SCNN1D: variants seen among roughly 807,000 people sequenced by gnomAD.
The protein encoded by SCNN1D is epithelial sodium channel subunit delta.
A neutral mutation model predicts 87.8 loss-of-function variants in SCNN1D; 104 were observed. The ratio of observed to expected loss-of-function variants is 1.18; its 90% confidence interval spans 1.01 to 1.39. SCNN1D has a LOEUF of 1.39. Ranked by LOEUF, SCNN1D falls within the 40% of genes most tolerant of loss-of-function variation. The pLI is 0.00. For missense variants in SCNN1D, 1,324 were observed against 1,093.9 expected (o/e 1.21, Z -2.97); for synonymous variants, 628 against 481.2 (o/e 1.31, Z -3.99).
chr1:1,288,365 T>TCC (rs773631150), intron 12 of SCNN1D, among the ~76,000 whole-genome samples: 10 of 39,364 alleles, frequency 2.5e-4, no homozygotes, highest in South Asian at 5.1e-3. Context: ...CTCTGCTCCG[T>TCC]CCCGTGTCCC....
chr1:1,291,250 G>A lies in SCNN1D; in HGVS notation c.2053-4G>A, dbSNP rs148696342. 729 of 1,556,350 alleles carry A rather than the reference G, an allele frequency of 4.7e-4. No individual in the cohort carries two copies. The highest frequency in any genetic ancestry group is 5.8e-4 in the Non-Finnish European group (667 of 1,151,774). ...CGCCCCTCACACCCGCACCCCACCC[G>A]CAGGTGCCGCAGCTGCTCTCGGCCA... On this transcript the variant is annotated splice_polypyrimidine_tract_variant and splice_region_variant and intron_variant, in intron 17 of 17. Transcript: ENST00000379116.
rs1350518583 is a variant in SCNN1D at position 1,291,049 on chromosome 1, C to G, written c.1977-16C>G. The G allele has an allele frequency of 1.9e-5, 30 of 1,610,682 alleles. No individual in the cohort carries two copies. The highest frequency in any genetic ancestry group is 2.7e-5 in the African/African-American group (2 of 74,900). On this transcript the variant is annotated splice_polypyrimidine_tract_variant and intron_variant, in intron 16 of 17. Transcript: ENST00000379116. ...AAGGTCTGGGCCAGCGCCCTCATGC[C>G]TCTATCCTGCCCCAGGAGCAGCCTG... is the stretch of plus-strand genomic sequence containing the variant.
chr1:1,284,338 C>T (rs1459279010), intron 5 of SCNN1D, among the ~76,000 whole-genome samples: 2 of 79,712 alleles, frequency 2.5e-5, no homozygotes, highest in South Asian at 3.8e-4. Context: ...GTGGGGCTGG[C>T]GGGGGGGCTC....
chr1:1,290,823 CA>C, intron 15 of SCNN1D, 71 bp from the exon 16 acceptor site: 1 of 1,586,000 alleles, frequency 6.3e-7, no homozygotes, highest in Non-Finnish European at 8.6e-7. Context: ...TCTGCCCCCA[CA>C]TCCGCCCGTG....
rs762383126 is a variant in SCNN1D, at chr1:1,287,768, A to G, written c.1495A>G (p.Thr499Ala). ...IRVMVHGRNHTPFLGHHSFSV... is the reference protein window; with the variant it reads ...IRVMVHGRNHAPFLGHHSFSV... The stretch of plus-strand genomic sequence containing the variant: ...GGTCATGGTTCACGGCCGTAACCAC[A>G]CGCCCTTCCTGGGGCACCACAGCTT... The change falls in exon 11 of 18, where the codon ACG (threonine) becomes GCG (alanine). Residue 499 changes from threonine to alanine, a missense_variant. Transcript: ENST00000379116. The G allele has an allele frequency of 3.8e-6, 6 of 1,599,526 alleles. No homozygotes were observed. Among genetic ancestry groups the G allele is most frequent in the Non-Finnish European group, 5.1e-6 (6 of 1,173,642 alleles).
At chr1:1,282,407 C>G (rs997147843) in intron 4 of SCNN1D, 92 bp downstream of exon 4, 2 of 1,403,098 alleles carry the variant, frequency 1.4e-6, no homozygotes, top group African/African-American at 2.9e-5. Context: ...CCCAGCACCA[C>G]TTGGGGCAGG....
chr1:1,291,125 G>A lies in SCNN1D; in HGVS notation c.2037G>A (p.Glu679=). The change falls in exon 17 of 18, where the codon GAG becomes GAA. Residue 679 remains glutamate, a synonymous_variant. Coordinates refer to ENST00000379116, the MANE Select transcript of SCNN1D (RefSeq NM_001130413.4). ...YQELNYRSVE[E]APVYSVPQLL... is the part of the protein sequence containing the mutation. ...AGCTCAACTACCGCTCAGTGGAGGA[G>A]GCGCCCGTGTACTCGGTGAGCCTTG... 6.2e-7 allele frequency: 1 copy of A among 1,612,148 alleles called. No homozygotes were observed. Among genetic ancestry groups the A allele is most frequent in the Non-Finnish European group, 8.5e-7 (1 of 1,179,724 alleles).
At chr1:1,282,154 C>A (rs1640482848) in intron 3 of SCNN1D, 88 bp from the exon 4 acceptor site, 1 of 795,978 alleles carries the variant, frequency 1.3e-6, no homozygotes, top group South Asian at 1.6e-5. Context: ...GCACCCCAGC[C>A]CCATCTGGCA....
At position 1,285,983 on chromosome 1, in the gene SCNN1D, A is replaced by AAGGAGGGGCACC. The variant is rs746881668; in HGVS notation, c.626_637dup (p.His209_Gly212dup). 3.7e-5 allele frequency: 58 copies of AAGGAGGGGCACC among 1,559,148 alleles called. No individual in the cohort carries two copies. The highest frequency in any genetic ancestry group is 1.9e-5 in the Admixed American group (1 of 53,202). On this transcript the variant is annotated inframe_insertion, in exon 7 of 18. Coordinates refer to ENST00000379116, the MANE Select transcript of SCNN1D (RefSeq NM_001130413.4). ...ACCATCAGCACCACCACCACCACCC[A>AAGGAGGGGCACC]AGGAGGGGCACCAGGAGGGGCTGGT...
At chr1:1,290,041 T>C (rs1461782490) in intron 12 of SCNN1D, among the ~76,000 whole-genome samples, 1 of 94,952 alleles carries the variant, frequency 1.1e-5, no homozygotes, top group Non-Finnish European at 1.9e-5. Flanking sequence ...CTCCGTCCCG[T>C]GTCCCTGCTC....
chr1:1,291,295 G>C lies in SCNN1D; in HGVS notation c.2094G>C (p.Leu698=), dbSNP rs745946892. 3.2e-6 allele frequency: 5 copies of C among 1,574,834 alleles called. No individual in the cohort carries two copies. The East Asian group carries it at 1.1e-4, about 36-fold the overall frequency. ...CGGCCATGGGCAGCCTCTGCAGCCT[G>C]TGGTTTGGGGCCTCCGTCCTCTCCC... ...LLSAMGSLCS[L]WFGASVLSLL... is the part of the protein sequence containing the mutation. The change falls in exon 18 of 18, where the codon CTG becomes CTC. Residue 698 remains leucine, a synonymous_variant. Transcript: ENST00000379116.
At position 1,286,899 on chromosome 1, in the gene SCNN1D, C is replaced by G. The variant is rs147245825; in HGVS notation, c.1043C>G (p.Pro348Arg). The G allele has an allele frequency of 2.2e-4, 347 of 1,612,634 alleles. 1 individual carries two copies. The African/African-American group carries it at 4.0e-3, about 18-fold the overall frequency. ...LSATVPRHEP[P>R]FHLDREIRLQ... The stretch of plus-strand genomic sequence containing the variant: ...GCCACTGTCCCCCGCCACGAGCCCC[C>G]CTTCCACCTGGACCGGGAGATCCGT... The change falls in exon 8 of 18, where the codon CCC becomes CGC. Residue 348 changes from proline (P) to arginine (R), a missense_variant. Physicochemically the swap from Pro to Arg is moderately radical, Grantham distance 103. Coordinates refer to ENST00000379116, the MANE Select transcript of SCNN1D (RefSeq NM_001130413.4).
intron 11 of SCNN1D, 25 bp from the exon 12 acceptor site, chr1:1,287,914 A>C (rs779828277): frequency 1.3e-6 from 2 of 1,529,632 alleles, no homozygotes; most frequent in East Asian, 4.9e-5. Context: ...GGCAGGGCCC[A>C]TGGAACTGAA....
At chr1:1,288,190 C>T (rs114486503) in intron 12 of SCNN1D, among the ~76,000 whole-genome samples, 153 bp downstream of exon 12, 3,517 of 146,690 alleles carry the variant, frequency 0.024, 151 homozygotes, top group African/African-American at 0.087. Flanking sequence ...CCCCCGTGTC[C>T]CCGCTCCATT....
At chr1:1,287,324 T>A (rs1187451881) in intron 9 of SCNN1D, 25 bp downstream of exon 9, 1 of 1,543,862 alleles carries the variant, frequency 6.5e-7, no homozygotes, top group Non-Finnish European at 8.7e-7. Flanking sequence ...CGGGGGCCAC[T>A]CCTTCCGTCC....
At position 1,284,037 on chromosome 1, in the gene SCNN1D, C is replaced by T. The variant is rs767962107; in HGVS notation, c.411C>T (p.Thr137=). 4.2e-5 allele frequency: 59 copies of T among 1,392,626 alleles called. No homozygotes were observed. The highest frequency in any genetic ancestry group is 2.2e-4 in the East Asian group (7 of 31,624). The allele number at this position is 1,392,626 out of a possible 1,614,324, so 86.3% of individuals were successfully genotyped here. Residue 137 remains threonine, a synonymous_variant, in exon 5 of 18, where the codon ACC becomes ACT. Transcript: ENST00000379116. The stretch of plus-strand genomic sequence containing the variant: ...AGCTGCCCCCGCAATGGCTGAGCAC[C>T]GAAGCATGGACGGGAGAATGGAAGC... ...SCQLPPQWLS[T]EAWTGEWKQP...
chr1:1,291,176 G>T lies in SCNN1D; in HGVS notation c.2052+36G>T, dbSNP rs368656538. 5.0e-6 allele frequency: 8 copies of T among 1,601,916 alleles called. No homozygotes were observed. In the Admixed American group the frequency reaches 5.1e-5, roughly 10 times the overall value. On this transcript the variant is annotated intron_variant, in intron 17 of 17. Coordinates refer to ENST00000379116, the MANE Select transcript of SCNN1D (RefSeq NM_001130413.4). The stretch of plus-strand genomic sequence containing the variant: ...GCCCCCTGCCTGGGCTAGAGCGGGG[G>T]CAGCGACAGTGGCTGGCCCTGCACA...
At chr1:1,287,648 C>T in intron 10 of SCNN1D, 25 bp from the exon 11 acceptor site, 1 of 1,611,530 alleles carries the variant, frequency 6.2e-7, no homozygotes. Context: ...GTCAGGTGGC[C>T]TCACACCAGC....
intron 3 of SCNN1D, chr1:1,281,836 C>T: frequency 3.4e-6 from 2 of 591,902 alleles, no homozygotes; most frequent in South Asian, 4.0e-5. Flanking sequence ...CTGGCCGGAC[C>T]TGGGCTCTTT....
Sources: gnomAD v4.1 joint callset for allele counts (sites outside exome capture counted in the v4.1 genomes callset) on GRCh38, gnomAD v4.1.1 for gene constraint, MANE v1.5 for transcripts, NCBI Gene and HGNC (gene_info 2026-07-23, HGNC 2026-07-21) for gene names.